Variants in AGAP1 observed in about 807,000 individuals in gnomAD.
The protein encoded by AGAP1 is arf-GAP with GTPase, ANK repeat and PH domain-containing protein 1.
Under a neutral mutation model 105.3 loss-of-function variants are expected in AGAP1, and 29 were observed. The observed-to-expected ratio is 0.28, with a 90% CI of 0.21 to 0.38. AGAP1 has a LOEUF of 0.38. Ranked by LOEUF, AGAP1 falls within the 10% of genes least tolerant of loss-of-function variation. AGAP1 has a pLI of 1.00. For missense variants in AGAP1, 998 were observed against 1,165.1 expected, an observed-to-expected ratio of 0.86 and a Z score of 2.09; for synonymous variants, 509 against 485.9, an observed-to-expected ratio of 1.05 and a Z score of -0.63.
At chr2:236,041,780 C>T (rs781598765) in intron 15 of AGAP1, among the ~76,000 whole-genome samples, 4 of 152,204 alleles carry the variant, frequency 2.6e-5, no homozygotes, top group African/African-American at 4.8e-5. Context: ...CTGAAATGCA[C>T]TGGACAAGGC....
rs112737473 is a variant in AGAP1, at chr2:235,631,675, C to T, written c.164-77504C>T. 0.032 allele frequency among the ~76,000 whole-genome samples: 4,882 copies of T among 152,298 alleles called. 158 individuals are homozygous for T. The highest frequency in any genetic ancestry group is 0.081 in the African/African-American group (3,346 of 41,554). On this transcript the variant is annotated intron_variant, in intron 1 of 17. Coordinates refer to ENST00000304032, the MANE Select transcript of AGAP1 (RefSeq NM_001037131.3). The surrounding 1 kb of genome is among the most constrained non-coding windows in gnomAD (Gnocchi z 5.4). ...AACCTCTCTGTGCTTAGGTGACCTTCGATGGCACGGGGGATAGCAGTATCT... is the reference window on the plus strand; with the variant it reads ...AACCTCTCTGTGCTTAGGTGACCTTTGATGGCACGGGGGATAGCAGTATCT...
At position 235,993,074 on chromosome 2, in the gene AGAP1, T is replaced by A. The variant is rs1293674739; in HGVS notation, c.1645+24451T>A. Among the ~76,000 whole-genome samples, 4 of 152,166 alleles carry A rather than the reference T, an allele frequency of 2.6e-5. No individual in the cohort carries two copies. Among genetic ancestry groups the A allele is most frequent in the African/African-American group, 9.7e-5 (4 of 41,434 alleles). On this transcript the variant is annotated intron_variant, in intron 13 of 17. Transcript: ENST00000304032. The surrounding 1 kb of genome is among the most constrained non-coding windows in gnomAD (Gnocchi z 5.0). ...CTTTTTTCATATGTACATCTGAAAA[T>A]GACTTTAGCAGAGATTCTAGCTAAT...
intron 16 of AGAP1, among the ~76,000 whole-genome samples, chr2:236,102,771 C>T (rs918589192): frequency 3.3e-5 from 5 of 151,918 alleles, no homozygotes; most frequent in Non-Finnish European, 2.9e-5. Context: ...GTAAACGTCC[C>T]GTGTTTTGTT....
chr2:235,966,376 C>A (rs867023676), intron 12 of AGAP1, among the ~76,000 whole-genome samples: 2 of 151,910 alleles, frequency 1.3e-5, no homozygotes, highest in African/African-American at 2.4e-5. Context: ...GGCGAGAAGG[C>A]CAGTAGAGGA....
At chr2:235,813,862 C>T (rs1461252523) in intron 9 of AGAP1, among the ~76,000 whole-genome samples, 1 of 152,166 alleles carries the variant, frequency 6.6e-6, no homozygotes, top group Non-Finnish European at 1.5e-5. Flanking sequence ...CAGTAGTTCT[C>T]AGCAGATGGA....
intron 1 of AGAP1, among the ~76,000 whole-genome samples, chr2:235,686,550 T>TACACACACACACAC (rs530198533): frequency 3.3e-5 from 3 of 90,188 alleles, no homozygotes; most frequent in Admixed American, 1.1e-4. Flanking sequence ...GAAGGAGATA[T>TACACACACACACAC]ATATATACAC....
At chr2:236,094,293 A>C (rs902143391) in intron 16 of AGAP1, among the ~76,000 whole-genome samples, 1 of 145,098 alleles carries the variant, frequency 6.9e-6, no homozygotes, top group Admixed American at 6.9e-5. Context: ...TATATCTTTA[A>C]AAAAAAAAAA....
At chr2:236,098,930 T>C (rs1336858813) in intron 16 of AGAP1, among the ~76,000 whole-genome samples, 1 of 151,832 alleles carries the variant, frequency 6.6e-6, no homozygotes, top group Admixed American at 6.6e-5. Context: ...TAAAAGCCCT[T>C]TCTAAAGGCC....
chr2:235,742,818 C>A (rs1952669253), intron 4 of AGAP1, among the ~76,000 whole-genome samples: 1 of 152,180 alleles, frequency 6.6e-6, no homozygotes, highest in Non-Finnish European at 1.5e-5. Flanking sequence ...TTCTCCACAA[C>A]TGAAGAGCAA....
intron 1 of AGAP1, among the ~76,000 whole-genome samples, chr2:235,678,909 C>G (rs1306457629): frequency 6.6e-6 from 1 of 152,102 alleles, no homozygotes; most frequent in Admixed American, 6.6e-5. Context: ...GCCATGTAGC[C>G]CCTCTCGATA....
rs1306219559 is a variant in AGAP1 at position 235,957,813 on chromosome 2, T to C, written c.1484-10649T>C. ...AAGTGCGTTTTAATTTACGAGTTCC[T>C]ACAACGACTTCATCTTGAGTTCACA... is the stretch of plus-strand genomic sequence containing the variant. On this transcript the variant is annotated intron_variant, in intron 12 of 17. Coordinates refer to ENST00000304032, the MANE Select transcript of AGAP1 (RefSeq NM_001037131.3). This position sits in a 1 kb window ranked among gnomAD's most constrained non-coding sequence, Gnocchi z 4.6. Among the ~76,000 whole-genome samples the C allele has an allele frequency of 1.3e-5, 2 of 152,246 alleles. No individual in the cohort carries two copies. Among genetic ancestry groups the C allele is most frequent in the Non-Finnish European group, 2.9e-5 (2 of 68,042 alleles).
intron 1 of AGAP1, among the ~76,000 whole-genome samples, chr2:235,558,264 C>T (rs77035055): frequency 6.6e-6 from 1 of 152,128 alleles, no homozygotes; most frequent in African/African-American, 2.4e-5. Flanking sequence ...AGTACTGTCA[C>T]CTCTTCCTTT....
intron 9 of AGAP1, among the ~76,000 whole-genome samples, chr2:235,863,985 T>G (rs571423594): frequency 6.6e-6 from 1 of 152,224 alleles, no homozygotes; most frequent in African/African-American, 2.4e-5. Context: ...GACAAATCTT[T>G]TATGCGGAGG....
chr2:235,955,139 T>C (rs774144105), intron 12 of AGAP1, among the ~76,000 whole-genome samples: 1 of 152,176 alleles, frequency 6.6e-6, no homozygotes, highest in Non-Finnish European at 1.5e-5. Context: ...AGAAATGACA[T>C]GCCCAGGGTC....
rs59053279 is a variant in AGAP1 at position 235,931,957 on chromosome 2, C to G, written c.1483+1034C>G. Among the ~76,000 whole-genome samples the G allele has an allele frequency of 0.073, 11,037 of 152,114 alleles. 1,366 individuals are homozygous for G. The highest frequency in any genetic ancestry group is 0.25 in the African/African-American group (10,430 of 41,414). ...CCCGGCTGGCCCATTCCCATCCCAG[C>G]GCCAGGGCTTGCTCCTTCCCTCAAA... On this transcript the variant is annotated intron_variant, in intron 12 of 17. Coordinates refer to ENST00000304032, the MANE Select transcript of AGAP1 (RefSeq NM_001037131.3). This position sits in a 1 kb window ranked among gnomAD's most constrained non-coding sequence, Gnocchi z 5.6.
rs2057102797 is a variant in AGAP1 at position 236,027,799 on chromosome 2, C to T, written c.1646-8762C>T. ...CGTCTCACTACATGGTGAACTGCTACTCACAGGGAAAAGCGTGGCGTTTAG... is the reference window on the plus strand; with the variant it reads ...CGTCTCACTACATGGTGAACTGCTATTCACAGGGAAAAGCGTGGCGTTTAG... On this transcript the variant is annotated intron_variant, in intron 13 of 17. Coordinates refer to ENST00000304032, the MANE Select transcript of AGAP1 (RefSeq NM_001037131.3). This position sits in a 1 kb window ranked among gnomAD's most constrained non-coding sequence, Gnocchi z 4.4. Among the ~76,000 whole-genome samples the T allele has an allele frequency of 6.6e-6, 1 of 152,128 alleles. No homozygotes were observed. Among genetic ancestry groups the T allele is most frequent in the African/African-American group, 2.4e-5 (1 of 41,436 alleles).
chr2:235,952,456 G>A (rs1362856319), intron 12 of AGAP1, among the ~76,000 whole-genome samples: 4 of 152,122 alleles, frequency 2.6e-5, no homozygotes, highest in Non-Finnish European at 4.4e-5. Flanking sequence ...AGGTTATCCA[G>A]GTACCAGATA....
chr2:236,118,747 T>G (rs188961298), intron 16 of AGAP1, among the ~76,000 whole-genome samples: 1 of 152,282 alleles, frequency 6.6e-6, no homozygotes, highest in Non-Finnish European at 1.5e-5. Context: ...TGGCTGGGCT[T>G]GGCTCCTGGG....
At chr2:235,771,999 CTT>C (rs961967325) in intron 6 of AGAP1, among the ~76,000 whole-genome samples, 10 of 135,078 alleles carry the variant, frequency 7.4e-5, no homozygotes, top group Non-Finnish European at 7.9e-5. Flanking sequence ...CTTTTCTTAT[CTT>C]TTTTTTTTTT....
Sources: allele counts gnomAD v4.1 joint callset (sites outside exome capture counted in the v4.1 genomes callset), GRCh38; gene constraint gnomAD v4.1.1; non-coding constraint Gnocchi (gnomAD v3.1); transcripts MANE v1.5; gene names NCBI Gene and HGNC (gene_info 2026-07-23, HGNC 2026-07-21).